The following FSTL4 variants were observed in gnomAD, a reference collection of about 807,000 sequenced individuals.
The protein encoded by FSTL4 is follistatin-related protein 4.
In FSTL4, 28 loss-of-function variants were observed where a neutral mutation model predicts 78.2. That is an observed-to-expected ratio of 0.36 (90% CI 0.27 to 0.49). The LOEUF (loss-of-function observed/expected upper bound fraction) is 0.49. FSTL4 is among the 20% of genes least tolerant of loss of function. The pLI is 0.98. For missense variants in FSTL4, 922 were observed against 1,084.9 expected (o/e 0.85, Z 2.11); for synonymous variants, 422 against 440.5 (o/e 0.96, Z 0.53).
At chr5:133,394,778 G>A (rs1371569054) in intron 4 of FSTL4, among the ~76,000 whole-genome samples, 4 of 152,228 alleles carry the variant, frequency 2.6e-5, no homozygotes, top group Admixed American at 1.3e-4. Flanking sequence ...CCTGCAGCCC[G>A]GTGAGGGATC....
chr5:133,692,229 C>T, the FSTL4 span, among the ~76,000 whole-genome samples: 1 of 152,138 alleles, frequency 6.6e-6, no homozygotes, highest in Non-Finnish European at 1.5e-5. Context: ...TGTGCAAAGA[C>T]TCTGAGGACA....
intron 8 of FSTL4, among the ~76,000 whole-genome samples, chr5:133,231,603 T>A (rs1292805017): frequency 1.3e-5 from 2 of 152,226 alleles, no homozygotes; most frequent in Non-Finnish European, 2.9e-5. Flanking sequence ...AGTGCAGCAG[T>A]GCTATCTCAG....
the FSTL4 span, among the ~76,000 whole-genome samples, chr5:133,787,039 A>G: frequency 1.3e-5 from 2 of 152,070 alleles, no homozygotes; most frequent in African/African-American, 4.8e-5. Context: ...CCCCTGCACC[A>G]CCCTGTACTC....
chr5:133,202,945 A>G (rs1750377998), intron 14 of FSTL4, among the ~76,000 whole-genome samples: 2 of 152,340 alleles, frequency 1.3e-5, no homozygotes, highest in African/African-American at 4.8e-5. Flanking sequence ...TGGTGTGTGA[A>G]GTCAGATAGG....
the FSTL4 span, among the ~76,000 whole-genome samples, chr5:133,827,026 A>C: frequency 6.6e-6 from 1 of 152,224 alleles, no homozygotes; most frequent in African/African-American, 2.4e-5. Flanking sequence ...GTCCCGCCCC[A>C]GGCCCAGATG....
chr5:133,308,083 T>C (rs1200562709), intron 6 of FSTL4, among the ~76,000 whole-genome samples: 2 of 152,188 alleles, frequency 1.3e-5, no homozygotes, highest in Admixed American at 6.5e-5. Flanking sequence ...CCCGGCCTTG[T>C]CTGCCAATTT....
chr5:133,343,842 AATAAAT>A (rs767504986), intron 4 of FSTL4, among the ~76,000 whole-genome samples: 2,335 of 152,354 alleles, frequency 0.015, 23 homozygotes, highest in Non-Finnish European at 0.025. Context: ...AGTGGGTGGT[AATAAAT>A]ATCAAAGCAC....
At chr5:133,789,309 C>G in the FSTL4 span, among the ~76,000 whole-genome samples, 1 of 152,174 alleles carries the variant, frequency 6.6e-6, no homozygotes, top group East Asian at 1.9e-4. Context: ...CTTTGAAGAT[C>G]AATGGTATGG....
chr5:133,613,486 G>T (rs564667247), upstream of FSTL4, among the ~76,000 whole-genome samples: 296 of 152,334 alleles, frequency 1.9e-3, 1 homozygote, highest in Middle Eastern at 0.01. Flanking sequence ...TTCTGAGGAT[G>T]AAGTTAGTTA....
At chr5:133,354,462 G>A (rs1049874159) in intron 4 of FSTL4, among the ~76,000 whole-genome samples, 1 of 152,224 alleles carries the variant, frequency 6.6e-6, no homozygotes, top group Non-Finnish European at 1.5e-5. Context: ...TTGAAGTTTT[G>A]ACATGCAGAG....
At chr5:133,289,266 C>T (rs958556586) in intron 6 of FSTL4, among the ~76,000 whole-genome samples, 3 of 152,166 alleles carry the variant, frequency 2.0e-5, no homozygotes, top group Non-Finnish European at 4.4e-5. Flanking sequence ...ATTCTTGAAT[C>T]CCCACTCCTA....
chr5:133,209,972 T>G (rs1180681916), intron 14 of FSTL4: 1 of 445,074 alleles, frequency 2.2e-6, no homozygotes, highest in East Asian at 3.4e-5. Context: ...TTCTGATTGT[T>G]GTGATGTCAG....
intron 11 of FSTL4, among the ~76,000 whole-genome samples, chr5:133,222,842 CCT>C (rs1554097304): frequency 6.6e-6 from 1 of 152,200 alleles, no homozygotes; most frequent in Non-Finnish European, 1.5e-5. Flanking sequence ...TTGTGTGTCC[CCT>C]GAGGCCTACT....
the FSTL4 span, among the ~76,000 whole-genome samples, chr5:133,841,635 T>TTG: frequency 6.6e-6 from 1 of 152,158 alleles, no homozygotes; most frequent in Non-Finnish European, 1.5e-5. Flanking sequence ...TAGAGGACGG[T>TTG]AAGGCTCAGA....
At chr5:133,800,676 A>C in the FSTL4 span, among the ~76,000 whole-genome samples, 1 of 137,484 alleles carries the variant, frequency 7.3e-6, no homozygotes, top group African/African-American at 2.7e-5. Flanking sequence ...GGGGCTTTTA[A>C]TGGCTTTTGA....
At chr5:133,427,475 G>T in intron 3 of FSTL4, 2 of 375,944 alleles carry the variant, frequency 5.3e-6, no homozygotes, top group South Asian at 4.6e-5. Flanking sequence ...GAAACTGTTG[G>T]TAAGTGAAAG....
chr5:133,374,852 T>C, intron 4 of FSTL4, among the ~76,000 whole-genome samples: 1 of 152,162 alleles, frequency 6.6e-6, no homozygotes, highest in East Asian at 1.9e-4. Context: ...CCCCCAGAAC[T>C]GTGAGAAATA....
chr5:133,318,251 A>T (rs2126894125), intron 4 of FSTL4, among the ~76,000 whole-genome samples: 1 of 152,146 alleles, frequency 6.6e-6, no homozygotes, highest in Non-Finnish European at 1.5e-5. Context: ...GCCTGGTAGG[A>T]TATTGATTCC....
At chr5:133,413,062 A>T (rs1561707852) in intron 3 of FSTL4, among the ~76,000 whole-genome samples, 1 of 152,118 alleles carries the variant, frequency 6.6e-6, no homozygotes, top group East Asian at 1.9e-4. Context: ...CTCATATAAA[A>T]ATTAAATATC....
Sources: allele counts gnomAD v4.1 joint callset (sites outside exome capture counted in the v4.1 genomes callset), GRCh38; gene constraint gnomAD v4.1.1; transcripts MANE v1.5; gene names NCBI Gene and HGNC (gene_info 2026-07-23, HGNC 2026-07-21).